NELL1: variants seen among roughly 807,000 people sequenced by gnomAD.
The protein encoded by NELL1 is neural EGFL like 1, also known as protein kinase C-binding protein NELL1.
Under a neutral mutation model 107.4 loss-of-function variants are expected in NELL1, and 76 were observed. That is an observed-to-expected ratio of 0.71 (90% confidence interval 0.59 to 0.86). NELL1 has a LOEUF of 0.86. Among genes scored for constraint, NELL1 ranks in the 40% least tolerant of loss-of-function variants. The pLI is 0.00. For missense variants in NELL1, 1,024 were observed against 1,005.5 expected (o/e 1.02, Z -0.25); for synonymous variants, 353 against 341.2 (o/e 1.03, Z -0.38).
chr11:21,040,131 T>A (rs915980497), intron 12 of NELL1, among the ~76,000 whole-genome samples: 1 of 151,742 alleles, frequency 6.6e-6, no homozygotes, highest in Non-Finnish European at 1.5e-5. Flanking sequence ...CATATAATTT[T>A]TTTTTACAGG....
At chr11:21,403,455 A>G (rs1852146536) in intron 15 of NELL1, among the ~76,000 whole-genome samples, 1 of 151,790 alleles carries the variant, frequency 6.6e-6, no homozygotes, top group Non-Finnish European at 1.5e-5. Context: ...GGACACAGCT[A>G]GATAAAGGTG....
intron 12 of NELL1, among the ~76,000 whole-genome samples, chr11:21,019,878 C>G (rs571992340): frequency 6.6e-6 from 1 of 152,048 alleles, no homozygotes; most frequent in Admixed American, 6.6e-5. Flanking sequence ...GGTTTCTAGC[C>G]TAATAAGCCC....
At chr11:21,386,383 C>CT (rs1334179738) in intron 15 of NELL1, among the ~76,000 whole-genome samples, 3 of 151,742 alleles carry the variant, frequency 2.0e-5, no homozygotes, top group South Asian at 4.2e-4. Flanking sequence ...GCATTAACAT[C>CT]TTTTTTTAAA....
chr11:21,411,717 AGAC>A (rs1383045946), intron 15 of NELL1, among the ~76,000 whole-genome samples: 1 of 152,106 alleles, frequency 6.6e-6, no homozygotes, highest in African/African-American at 2.4e-5. Context: ...TTTTTTAAAA[AGAC>A]GAGATTCAAT....
chr11:20,769,972 A>T (rs922502424), intron 2 of NELL1, among the ~76,000 whole-genome samples: 2 of 152,198 alleles, frequency 1.3e-5, no homozygotes, highest in African/African-American at 4.8e-5. Flanking sequence ...GCATCCTTTG[A>T]AATGAATTAT....
intron 3 of NELL1, among the ~76,000 whole-genome samples, chr11:20,815,628 A>G (rs928428382): frequency 6.6e-6 from 1 of 152,064 alleles, no homozygotes; most frequent in Admixed American, 6.6e-5. Flanking sequence ...TTAATAGTTT[A>G]TCTTGCTGTG....
chr11:20,975,723 GTATTATATAATGTATGTATTATATA>G lies in NELL1; in HGVS notation c.1300+15164_1300+15188del, dbSNP rs1326266476. ...ATTATATAATATACATATTATATAT[GTATTATATAATGTATGTATTATATA>G]ATATACATATTATATATGTATTATA... On this transcript the variant is annotated intron_variant, in intron 12 of 19. Transcript: ENST00000357134. Among the ~76,000 whole-genome samples the G allele has an allele frequency of 4.2e-3, 400 of 94,332 alleles. 17 individuals carry two copies. The highest frequency in any genetic ancestry group is 0.017 in the African/African-American group (376 of 21,910). The allele number at this position is 94,332 out of a possible 152,430, so 61.9% of individuals were successfully genotyped here.
chr11:21,004,631 A>G (rs1221100227), intron 12 of NELL1, among the ~76,000 whole-genome samples: 1 of 152,134 alleles, frequency 6.6e-6, no homozygotes, highest in Non-Finnish European at 1.5e-5. Context: ...GTGAGATAAG[A>G]GTAATAAAAG....
At chr11:20,981,929 A>G (rs1344834355) in intron 12 of NELL1, among the ~76,000 whole-genome samples, 1 of 151,620 alleles carries the variant, frequency 6.6e-6, no homozygotes, top group Admixed American at 6.6e-5. Context: ...ACCAAGGCTC[A>G]AACAATGTCA....
intron 14 of NELL1, among the ~76,000 whole-genome samples, chr11:21,263,980 A>T (rs1848586199): frequency 6.6e-6 from 1 of 151,744 alleles, no homozygotes. Flanking sequence ...CATTTAGCCA[A>T]CCATGTTTAT....
intron 14 of NELL1, among the ~76,000 whole-genome samples, chr11:21,299,298 T>G (rs1229831911): frequency 6.6e-6 from 1 of 151,958 alleles, no homozygotes; most frequent in Non-Finnish European, 1.5e-5. Flanking sequence ...TTAGATCACT[T>G]GATGAGAATG....
chr11:20,759,371 A>G (rs1162809640), intron 2 of NELL1, among the ~76,000 whole-genome samples: 2 of 152,208 alleles, frequency 1.3e-5, no homozygotes, highest in African/African-American at 2.4e-5. Flanking sequence ...GATCACATTG[A>G]AATGCTGTAC....
intron 12 of NELL1, among the ~76,000 whole-genome samples, chr11:21,103,757 C>A (rs1854880135): frequency 6.6e-6 from 1 of 152,120 alleles, no homozygotes; most frequent in South Asian, 2.1e-4. Flanking sequence ...ATAGGAAAGA[C>A]CATCAATGTT....
At chr11:21,391,689 G>A (rs1224219620) in intron 15 of NELL1, among the ~76,000 whole-genome samples, 1 of 151,720 alleles carries the variant, frequency 6.6e-6, no homozygotes, top group Non-Finnish European at 1.5e-5. Context: ...ACCCTACCCA[G>A]TCTGGAGTGC....
rs1036765811 is a variant in NELL1 at position 21,429,114 on chromosome 11, A to G, written c.1645+58166A>G. 2.6e-5 allele frequency among the ~76,000 whole-genome samples: 4 copies of G among 152,312 alleles called. No homozygotes were observed. In the South Asian group the frequency reaches 8.3e-4, roughly 32 times the overall value. ...ATGACATAGCATTTTTAAGGCACTAATGTGAATTCTACATTTACATTCACA... is the reference window on the plus strand; with the variant it reads ...ATGACATAGCATTTTTAAGGCACTAGTGTGAATTCTACATTTACATTCACA... On this transcript the variant is annotated intron_variant, in intron 15 of 19. Coordinates refer to ENST00000357134, the MANE Select transcript of NELL1 (RefSeq NM_006157.5).
At chr11:21,114,975 C>A (rs1341636030) in intron 13 of NELL1, among the ~76,000 whole-genome samples, 1 of 151,896 alleles carries the variant, frequency 6.6e-6, no homozygotes, top group Non-Finnish European at 1.5e-5. Context: ...ATCCTCCTAG[C>A]CCAAGAGCAC....
intron 12 of NELL1, among the ~76,000 whole-genome samples, chr11:20,974,459 C>G (rs1402856810): frequency 6.6e-6 from 1 of 151,972 alleles, no homozygotes; most frequent in Non-Finnish European, 1.5e-5. Context: ...AAAAATAACT[C>G]CAATTGATTC....
intron 16 of NELL1, among the ~76,000 whole-genome samples, chr11:21,550,916 A>G (rs1018854075): frequency 6.0e-5 from 9 of 151,232 alleles, no homozygotes; most frequent in Non-Finnish European, 1.3e-4. Flanking sequence ...CATTGAATCT[A>G]TAAATTACCT....
At chr11:20,950,588 A>G (rs1251619216) in intron 11 of NELL1, among the ~76,000 whole-genome samples, 1 of 152,182 alleles carries the variant, frequency 6.6e-6, no homozygotes, top group Non-Finnish European at 1.5e-5. Flanking sequence ...TCTAAAGCAA[A>G]TTATTTGGTT....
Sources: gnomAD v4.1 joint callset for allele counts (sites outside exome capture counted in the v4.1 genomes callset) on GRCh38, gnomAD v4.1.1 for gene constraint, MANE v1.5 for transcripts, NCBI Gene and HGNC (gene_info 2026-07-23, HGNC 2026-07-21) for gene names.